Variants in GRK7 observed in about 807,000 individuals in gnomAD.
The protein encoded by GRK7 is rhodopsin kinase GRK7.
GRK7 carries 24 observed loss-of-function variants against 34.1 expected under a neutral mutation model. That is an observed-to-expected ratio of 0.70 (90% CI 0.51 to 0.99). GRK7 has a LOEUF of 0.99. GRK7 is among the 50% of genes least tolerant of loss of function. GRK7 has a pLI of 0.00. For missense variants in GRK7, 644 were observed against 707.3 expected, an observed-to-expected ratio of 0.91 and a Z score of 1.02; for synonymous variants, 256 against 279.4, an observed-to-expected ratio of 0.92 and a Z score of 0.84.
intron 5 of GRK7, 80 bp downstream of exon 5, chr3:141,807,999 A>G: frequency 7.9e-7 from 1 of 1,270,226 alleles, no homozygotes; most frequent in South Asian, 1.8e-5. Flanking sequence ...GATTTGTGGC[A>G]AAGTCTTGGA....
At chr3:141,762,675 T>C (rs1299170091), upstream of GRK7, among the ~76,000 whole-genome samples, 1 of 151,872 alleles carries the variant, frequency 6.6e-6, no homozygotes, top group African/African-American at 2.4e-5. Flanking sequence ...TTTGTTTACC[T>C]AAGCAAGCCT....
Position 141,763,593 on chromosome 3 carries a change from T to C in GRK7, c.-2360T>C, listed in dbSNP as rs920577236. ...TGCAGGATCCCGGATCCAGATCCAGTGTGCGTGGCAAGGCCAGCACCCCTC... is the reference window on the plus strand; with the variant it reads ...TGCAGGATCCCGGATCCAGATCCAGCGTGCGTGGCAAGGCCAGCACCCCTC... On this transcript the variant is annotated 5_prime_UTR_variant, in exon 1 of 6. Transcript: ENST00000682958. Among the ~76,000 whole-genome samples, 2 of 152,134 alleles carry C rather than the reference T, an allele frequency of 1.3e-5. No individual in the cohort carries two copies. The highest frequency in any genetic ancestry group is 1.9e-4 in the East Asian group (1 of 5,186).
chr3:141,751,901 C>T, the GRK7 span, among the ~76,000 whole-genome samples: 407 of 152,324 alleles, frequency 2.7e-3, 2 homozygotes, highest in African/African-American at 9.5e-3. Context: ...ATGATCCATT[C>T]TATTTTCTCA....
chr3:141,756,558 A>G, the GRK7 span, among the ~76,000 whole-genome samples: 10,611 of 152,156 alleles, frequency 0.07, 1,256 homozygotes, highest in African/African-American at 0.24. Context: ...AGTGAGGGAA[A>G]TGTTCCCTCT....
chr3:141,806,450 C>G (rs889412742), intron 4 of GRK7, among the ~76,000 whole-genome samples: 18 of 152,074 alleles, frequency 1.2e-4, no homozygotes, highest in Admixed American at 3.9e-4. Context: ...GTAATGCCAG[C>G]TACCTGGGAG....
the GRK7 span, among the ~76,000 whole-genome samples, chr3:141,750,379 A>G: frequency 1.3e-5 from 2 of 152,356 alleles, no homozygotes; most frequent in African/African-American, 4.8e-5. Flanking sequence ...TTAAGACTAC[A>G]GTTTCATAGT....
intron 4 of GRK7, among the ~76,000 whole-genome samples, chr3:141,790,078 T>G (rs1014119838): frequency 1.8e-4 from 28 of 152,228 alleles, no homozygotes; most frequent in African/African-American, 5.8e-4. Context: ...CTCAGCTCAC[T>G]GCAACCTCCG....
intron 4 of GRK7, among the ~76,000 whole-genome samples, chr3:141,793,719 C>T (rs975820341): frequency 6.6e-6 from 1 of 152,204 alleles, no homozygotes; most frequent in Non-Finnish European, 1.5e-5. Flanking sequence ...GAAGGCAGTT[C>T]CCAGGGAGGG....
intron 4 of GRK7, among the ~76,000 whole-genome samples, chr3:141,792,877 CCAAT>C (rs2084731323): frequency 3.9e-5 from 6 of 152,122 alleles, no homozygotes; most frequent in African/African-American, 1.4e-4. Context: ...CCCCCAATGG[CCAAT>C]GATTTTATCA....
intron 1 of GRK7, among the ~76,000 whole-genome samples, chr3:141,767,998 A>T (rs934868983): frequency 3.9e-5 from 6 of 152,238 alleles, no homozygotes; most frequent in African/African-American, 1.4e-4. Context: ...ATTGGAGTTA[A>T]TAGGAAAGTG....
At chr3:141,784,247 A>C (rs1443136196) in intron 4 of GRK7, among the ~76,000 whole-genome samples, 6 of 152,134 alleles carry the variant, frequency 3.9e-5, no homozygotes, top group African/African-American at 1.4e-4. Context: ...GTGCCTCCCC[A>C]GTGCTGTCCG....
At chr3:141,809,996 A>C (rs1479493366) in intron 5 of GRK7, among the ~76,000 whole-genome samples, 3 of 152,196 alleles carry the variant, frequency 2.0e-5, no homozygotes, top group Non-Finnish European at 2.9e-5. Context: ...TTATTGAGAT[A>C]TTTCTGGGCA....
chr3:141,762,452 TGAG>T (rs2084559758), upstream of GRK7, among the ~76,000 whole-genome samples: 1 of 148,850 alleles, frequency 6.7e-6, no homozygotes, highest in Admixed American at 6.8e-5. Flanking sequence ...GGGACCCACT[TGAG>T]GAGGCAGTCT....
At chr3:141,753,457 T>C in the GRK7 span, among the ~76,000 whole-genome samples, 1 of 152,202 alleles carries the variant, frequency 6.6e-6, no homozygotes, top group African/African-American at 2.4e-5. Context: ...ATGAAACTGT[T>C]CCACCTCAGA....
At chr3:141,770,443 C>T (rs372631988) in intron 1 of GRK7, among the ~76,000 whole-genome samples, 1 of 152,224 alleles carries the variant, frequency 6.6e-6, no homozygotes, top group African/African-American at 2.4e-5. Context: ...TGAGCCACTA[C>T]ACCTGGCCAA....
At chr3:141,802,644 G>A (rs532534685) in intron 4 of GRK7, among the ~76,000 whole-genome samples, 10 of 152,202 alleles carry the variant, frequency 6.6e-5, no homozygotes, top group South Asian at 2.1e-4. Flanking sequence ...TCCAGGCTGC[G>A]TTGCCCCTCC....
At chr3:141,783,623 C>A (rs2677426) in intron 4 of GRK7, among the ~76,000 whole-genome samples, 1 of 151,822 alleles carries the variant, frequency 6.6e-6, no homozygotes, top group Non-Finnish European at 1.5e-5. Context: ...ACTCTGGAGG[C>A]TGGATTGATC....
chr3:141,777,342 T>TTTTTTTTTTTTTTTTTTTTTTTTA, intron 2 of GRK7, among the ~76,000 whole-genome samples: 1 of 123,932 alleles, frequency 8.1e-6, no homozygotes, highest in Admixed American at 8.5e-5. Context: ...TTTTTTTTTT[T>TTTTTTTTTTTTTTTTTTTTTTTTA]GAGACGGAGT....
chr3:141,757,199 G>T, the GRK7 span, among the ~76,000 whole-genome samples: 1 of 140,358 alleles, frequency 7.1e-6, no homozygotes, highest in African/African-American at 2.7e-5. Flanking sequence ...TGCACATTGC[G>T]CAGGTTAGTT....
Sources: allele counts gnomAD v4.1 joint callset (sites outside exome capture counted in the v4.1 genomes callset), GRCh38; gene constraint gnomAD v4.1.1; transcripts MANE v1.5; gene names NCBI Gene and HGNC (gene_info 2026-07-23, HGNC 2026-07-21).